Variants in NCOA1 observed in about 807,000 individuals in gnomAD.
The protein encoded by NCOA1 is Hin-2 protein.
In NCOA1, 35 loss-of-function variants were observed where a neutral mutation model predicts 150.9. That is an observed-to-expected ratio of 0.23 (90% CI 0.18 to 0.31). The LOEUF (loss-of-function observed/expected upper bound fraction) is 0.31, where lower values mean the gene tolerates loss of function less well. Among genes scored for constraint, NCOA1 ranks in the 10% least tolerant of loss-of-function variants. The pLI is 1.00. For synonymous variants in NCOA1, 590 were observed against 630.0 expected, an observed-to-expected ratio of 0.94 and a Z score of 0.95; for missense variants, 1,491 against 1,749.3, an observed-to-expected ratio of 0.85 and a Z score of 2.63.
At chr2:24,746,763 C>T (rs1407131187) in intron 19 of NCOA1, among the ~76,000 whole-genome samples, 1 of 152,162 alleles carries the variant, frequency 6.6e-6, no homozygotes, top group African/African-American at 2.4e-5. Context: ...AAACCACTCT[C>T]TATGATACTA....
intron 1 of NCOA1, among the ~76,000 whole-genome samples, chr2:24,501,716 G>C (rs1011595477): frequency 2.6e-5 from 4 of 152,150 alleles, no homozygotes; most frequent in Non-Finnish European, 5.9e-5. Context: ...AGAGCCCCTA[G>C]ATAGGCTTTA....
chr2:24,707,299 C>T lies in NCOA1; in HGVS notation c.1829C>T (p.Ser610Leu). The change falls in exon 13 of 23, where the codon TCA (serine) becomes TTA (leucine). Residue 610 changes from serine to leucine, a missense_variant. By Grantham distance (145) the Ser-to-Leu change is moderately radical (BLOSUM62 -2). Coordinates refer to ENST00000348332, the MANE Select transcript of NCOA1 (RefSeq NM_003743.5). ...TCTAGTGATGGCAAACCTCTGGATT[C>T]AGGGCTTCTGCATAACAATGACAGA... ...NSSSDGKPLD[S>L]GLLHNNDRLS... 1 of 1,614,192 alleles carries T rather than the reference C, an allele frequency of 6.2e-7. No individual in the cohort carries two copies. The highest frequency in any genetic ancestry group is 8.5e-7 in the Non-Finnish European group (1 of 1,180,022).
rs1665234644 is a variant in NCOA1, at chr2:24,769,802, TGAG to T, written c.*1412_*1414del. ...GTTCCGCTGCAAGGCCAGGAAAGCTTGAGAAAGGTATTGTGGAAGAAGCAAAGG... is the reference window on the plus strand; with the variant it reads ...GTTCCGCTGCAAGGCCAGGAAAGCTTAAAGGTATTGTGGAAGAAGCAAAGG... On this transcript the variant is annotated 3_prime_UTR_variant, in exon 23 of 23. Coordinates refer to ENST00000348332, the MANE Select transcript of NCOA1 (RefSeq NM_003743.5). 4.5e-6 allele frequency: 1 copy of T among 223,134 alleles called. No homozygotes were observed. Among genetic ancestry groups the T allele is most frequent in the South Asian group, 1.8e-4 (1 of 5,452 alleles). 13.8% of individuals were successfully genotyped at this position (223,134 alleles called of 1,614,324 possible). A position where few individuals can be genotyped will look rare whatever the true frequency, so the allele number is the denominator to read the frequency against.
chr2:24,757,839 T>G (rs1664575417), intron 20 of NCOA1, 134 bp from the exon 21 acceptor site: 2 of 734,936 alleles, frequency 2.7e-6, no homozygotes, highest in Non-Finnish European at 4.3e-6. Context: ...ATATTAATTT[T>G]TATATATTTT....
chr2:24,644,636 A>T (rs1282859079), intron 4 of NCOA1, among the ~76,000 whole-genome samples: 1 of 152,116 alleles, frequency 6.6e-6, no homozygotes, highest in African/African-American at 2.4e-5. Context: ...GAACCAGTAT[A>T]TCCGTGAACA....
In NCOA1 at chr2:24,535,818, C is replaced by A. The variant is rs184971133; in HGVS notation, c.-395-28477C>A. 1.4e-4 allele frequency among the ~76,000 whole-genome samples: 22 copies of A among 152,274 alleles called. No individual in the cohort carries two copies. The South Asian group carries it at 2.3e-3, about 16-fold the overall frequency. On this transcript the variant is annotated intron_variant, in intron 1 of 22. Coordinates refer to ENST00000348332, the MANE Select transcript of NCOA1 (RefSeq NM_003743.5). ...CTTGTAAGGTTTCTGACAAGAGATC[C>A]GCTGTTAGTCTGATGGGCTTCCCTT...
rs70947837 is a variant in NCOA1, at chr2:24,690,651, C to CAAAAAAA, written c.533-809_533-803dup. 7.3e-4 allele frequency among the ~76,000 whole-genome samples: 28 copies of CAAAAAAA among 38,434 alleles called. 3 individuals carry two copies. The highest frequency in any genetic ancestry group is 1.0e-3 in the African/African-American group (8 of 7,836). The allele number at this position is 38,434 out of a possible 152,430, so 25.2% of individuals were successfully genotyped here. A position where few individuals can be genotyped will look rare whatever the true frequency, so the allele number is the denominator to read the frequency against. On this transcript the variant is annotated intron_variant, in intron 8 of 22. Transcript: ENST00000348332. Reference sequence around the variant, plus strand: ...TGGGTGACAAAGTGAGATTCCATCTCAAAAAAAAAAAAAAAAAAAAAAAAA... The same window carrying CAAAAAAA: ...TGGGTGACAAAGTGAGATTCCATCTCAAAAAAAAAAAAAAAAAAAAAAAAAAAAAAAA...
chr2:24,665,896 A>T lies in NCOA1; in HGVS notation c.237A>T (p.Leu79=). The T allele has an allele frequency of 6.4e-7, 1 of 1,558,220 alleles. No individual in the cohort carries two copies. Among genetic ancestry groups the T allele is most frequent in the South Asian group, 1.2e-5 (1 of 80,924 alleles). The part of the protein sequence containing the change: ...ILKKTVDQIQ[L]MKRMEQEKST... Reference sequence around the variant, plus strand: ...AGAAAACAGTCGATCAGATACAGCTAATGAAGAGAATGGAACAAGGTAAAA... The same window carrying T: ...AGAAAACAGTCGATCAGATACAGCTTATGAAGAGAATGGAACAAGGTAAAA... The change falls in exon 6 of 23, where the codon CTA becomes CTT. Residue 79 remains leucine, a synonymous_variant. Transcript: ENST00000348332.
intron 3 of NCOA1, among the ~76,000 whole-genome samples, chr2:24,597,382 G>A (rs1020299530): frequency 6.6e-6 from 1 of 152,174 alleles, no homozygotes; most frequent in African/African-American, 2.4e-5. Context: ...TGAGACATGA[G>A]GGCTTATCTT....
chr2:24,491,644 A>C lies in NCOA1; in HGVS notation c.-396+42A>C, dbSNP rs561749556. 2.0e-5 allele frequency among the ~76,000 whole-genome samples: 3 copies of C among 150,116 alleles called. No homozygotes were observed. The East Asian group carries it at 6.0e-4, about 30-fold the overall frequency. On this transcript the variant is annotated intron_variant, in intron 1 of 22. Coordinates refer to ENST00000348332, the MANE Select transcript of NCOA1 (RefSeq NM_003743.5). ...GGGTGCGGAGCCTCCCGGTGGGTGC[A>C]GCTGTCACGAGCCGCGCGGCCGCGG...
intron 1 of NCOA1, among the ~76,000 whole-genome samples, chr2:24,510,209 C>T (rs537560942): frequency 1.2e-4 from 18 of 152,272 alleles, no homozygotes; most frequent in Middle Eastern, 3.4e-3. Context: ...GCCACCACAC[C>T]CAGTTAAGTT....
chr2:24,690,705 C>T (rs189872305), intron 8 of NCOA1, among the ~76,000 whole-genome samples: 465 of 135,912 alleles, frequency 3.4e-3, no homozygotes, highest in Middle Eastern at 8.7e-3. Context: ...CTCTGATCAT[C>T]TCATGACCAC....
chr2:24,648,117 A>G (rs1670556132), intron 4 of NCOA1, among the ~76,000 whole-genome samples: 1 of 152,170 alleles, frequency 6.6e-6, no homozygotes, highest in African/African-American at 2.4e-5. Flanking sequence ...CCAGCCATTT[A>G]CATGAAATGC....
intron 2 of NCOA1, among the ~76,000 whole-genome samples, chr2:24,573,783 A>G (rs1418985184): frequency 6.6e-6 from 1 of 152,072 alleles, no homozygotes; most frequent in African/African-American, 2.4e-5. Flanking sequence ...AAATCAAACA[A>G]AAAAATTGCT....
At chr2:24,577,462 A>G (rs992239590) in intron 2 of NCOA1, among the ~76,000 whole-genome samples, 1 of 152,204 alleles carries the variant, frequency 6.6e-6, no homozygotes, top group African/African-American at 2.4e-5. Context: ...ATTGAGTGTA[A>G]TCGTCTTCCA....
chr2:24,577,518 C>T (rs1381181543), intron 2 of NCOA1, among the ~76,000 whole-genome samples: 1 of 152,138 alleles, frequency 6.6e-6, no homozygotes, highest in African/African-American at 2.4e-5. Context: ...CTTTCTTGGT[C>T]TCTTTACACA....
chr2:24,604,449 T>C (rs144010070), intron 3 of NCOA1, among the ~76,000 whole-genome samples: 1 of 152,354 alleles, frequency 6.6e-6, no homozygotes, highest in Non-Finnish European at 1.5e-5. Flanking sequence ...ATCTGCTGTT[T>C]AGTGTGGCCA....
chr2:24,706,443 A>C, intron 12 of NCOA1, 125 bp from the exon 13 acceptor site: 1 of 1,107,742 alleles, frequency 9.0e-7, no homozygotes, highest in Non-Finnish European at 1.2e-6. Flanking sequence ...ATGGTACAGA[A>C]GCTCTTTACT....
chr2:24,619,328 T>A (rs1211467632), intron 3 of NCOA1, among the ~76,000 whole-genome samples: 1 of 152,218 alleles, frequency 6.6e-6, no homozygotes, highest in Non-Finnish European at 1.5e-5. Flanking sequence ...TCCAAACTGT[T>A]GAAGATTCTT....
Sources: gnomAD v4.1 joint callset for allele counts (sites outside exome capture counted in the v4.1 genomes callset) on GRCh38, gnomAD v4.1.1 for gene constraint, MANE v1.5 for transcripts, NCBI Gene and HGNC (gene_info 2026-07-23, HGNC 2026-07-21) for gene names.